Variants in VRK2 observed in about 807,000 individuals in gnomAD.
The protein encoded by VRK2 is VRK serine/threonine kinase 2, also known as serine/threonine-protein kinase VRK2.
In VRK2, 60 loss-of-function variants were observed where a neutral mutation model predicts 57.6. That is an observed-to-expected ratio of 1.04 (90% CI 0.85 to 1.29). The LOEUF (loss-of-function observed/expected upper bound fraction) is 1.29. Among genes scored for constraint, VRK2 ranks in the 50% most tolerant of loss-of-function variants. VRK2 has a pLI of 0.00. For missense variants in VRK2, 705 were observed against 588.1 expected (o/e 1.20, Z -2.06); for synonymous variants, 231 against 199.2 (o/e 1.16, Z -1.35).
At chr2:58,068,903 C>A (rs1170560071) in intron 2 of VRK2, among the ~76,000 whole-genome samples, 2 of 150,134 alleles carry the variant, frequency 1.3e-5, no homozygotes, top group African/African-American at 4.9e-5. Context: ...GTCTTTGTTG[C>A]ATTTTTCTGT....
intron 1 of VRK2, among the ~76,000 whole-genome samples, chr2:57,981,742 T>C (rs1672429974): frequency 6.6e-6 from 1 of 152,156 alleles, no homozygotes; most frequent in African/African-American, 2.4e-5. Context: ...TTTCCAGAAG[T>C]TTAATTTGGT....
intron 1 of VRK2, among the ~76,000 whole-genome samples, chr2:57,947,493 AGCTT>A (rs1435159727): frequency 6.6e-6 from 1 of 152,220 alleles, no homozygotes; most frequent in Non-Finnish European, 1.5e-5. Context: ...CCAACAGCCC[AGCTT>A]GACACATGGC....
intron 1 of VRK2, among the ~76,000 whole-genome samples, chr2:58,003,535 T>C (rs1349262569): frequency 6.6e-6 from 1 of 152,174 alleles, no homozygotes; most frequent in Non-Finnish European, 1.5e-5. Flanking sequence ...CAGTTAAATT[T>C]GAATTTCAGA....
chr2:58,156,586 TTG>T (rs1179044770), intron 12 of VRK2, among the ~76,000 whole-genome samples: 6 of 115,204 alleles, frequency 5.2e-5, no homozygotes, highest in African/African-American at 4.9e-4. Context: ...GGTGTTTTTT[TTG>T]TTTTGTTTTG....
chr2:58,159,875 T>G, downstream of VRK2: 4 of 1,593,534 alleles, frequency 2.5e-6, no homozygotes, highest in Non-Finnish European at 3.4e-6. Context: ...CTAGAAATAG[T>G]GTCATAGAAT....
chr2:58,054,296 A>G (rs1572868530), intron 2 of VRK2, among the ~76,000 whole-genome samples: 1 of 152,036 alleles, frequency 6.6e-6, no homozygotes, highest in African/African-American at 2.4e-5. Context: ...CCTTAAGGGA[A>G]GATTTATAAA....
intron 7 of VRK2, among the ~76,000 whole-genome samples, chr2:58,116,424 A>T (rs1211302395): frequency 6.6e-6 from 1 of 151,794 alleles, no homozygotes; most frequent in Non-Finnish European, 1.5e-5. Context: ...GGGGATAACT[A>T]AAAAAGAGTG....
At chr2:58,057,289 A>G (rs1558576007) in intron 2 of VRK2, among the ~76,000 whole-genome samples, 1 of 152,270 alleles carries the variant, frequency 6.6e-6, no homozygotes, top group East Asian at 1.9e-4. Flanking sequence ...AAGGCACTGT[A>G]CTTTCAGATT....
intron 3 of VRK2, among the ~76,000 whole-genome samples, chr2:58,040,429 C>G (rs1392222683): frequency 2.0e-5 from 3 of 152,176 alleles, no homozygotes; most frequent in Admixed American, 1.3e-4. Flanking sequence ...CACTAGCTCC[C>G]AACTGCATGC....
chr2:57,987,124 A>G (rs1014686013), intron 1 of VRK2, among the ~76,000 whole-genome samples: 1 of 152,194 alleles, frequency 6.6e-6, no homozygotes, highest in African/African-American at 2.4e-5. Context: ...AAAAAATGAA[A>G]TATCAAAAGC....
In VRK2 at chr2:58,159,730, T is replaced by C; in HGVS notation, c.*37T>C. ...AAATTCCTTTTGATAATTTTTTAAG[T>C]TTCCAGCTCTTCACCGAAATGTTGT... On this transcript the variant is annotated 3_prime_UTR_variant, in exon 13 of 13. Coordinates refer to ENST00000340157, the MANE Select transcript of VRK2 (RefSeq NM_006296.7). 6.2e-7 allele frequency: 1 copy of C among 1,612,638 alleles called. No individual in the cohort carries two copies. The highest frequency in any genetic ancestry group is 2.2e-5 in the East Asian group (1 of 44,844).
chr2:58,033,525 T>C (rs930417006), exon 3 of VRK2: 1 of 152,040 alleles, frequency 6.6e-6, no homozygotes, highest in Non-Finnish European at 1.5e-5. Context: ...TGCTGACAGC[T>C]TGATTTTAGG....
At chr2:58,109,204 G>A (rs1675196625) in intron 7 of VRK2, among the ~76,000 whole-genome samples, 2 of 152,106 alleles carry the variant, frequency 1.3e-5, no homozygotes, top group African/African-American at 4.8e-5. Flanking sequence ...CTGTGCAGAA[G>A]GCCTTAGAGT....
At chr2:58,024,910 A>T (rs1251400319) in intron 1 of VRK2, among the ~76,000 whole-genome samples, 6 of 152,156 alleles carry the variant, frequency 3.9e-5, no homozygotes, top group Non-Finnish European at 7.4e-5. Flanking sequence ...AAAGGAAAAA[A>T]CCTTTACCAG....
At chr2:58,095,873 A>C (rs978282080) in intron 7 of VRK2, among the ~76,000 whole-genome samples, 19 of 152,076 alleles carry the variant, frequency 1.2e-4, no homozygotes, top group African/African-American at 4.6e-4. Context: ...AAATGTGATG[A>C]TGGCTTTAGG....
chr2:57,976,072 C>T (rs963109301), intron 1 of VRK2, among the ~76,000 whole-genome samples: 1 of 152,082 alleles, frequency 6.6e-6, no homozygotes, highest in African/African-American at 2.4e-5. Flanking sequence ...CAGCTGCATT[C>T]ATATTGCTGC....
intron 9 of VRK2, among the ~76,000 whole-genome samples, chr2:58,133,266 T>C (rs1380779286): frequency 6.6e-6 from 1 of 152,130 alleles, no homozygotes; most frequent in Non-Finnish European, 1.5e-5. Context: ...TTATTTTACA[T>C]GTATAATGCT....
intron 1 of VRK2, among the ~76,000 whole-genome samples, chr2:57,944,492 T>G (rs928797771): frequency 6.6e-6 from 1 of 152,194 alleles, no homozygotes; most frequent in African/African-American, 2.4e-5. Context: ...ATCCCAACAC[T>G]TCGGGAGGCC....
intron 3 of VRK2, chr2:58,033,614 A>G (rs1674183691): frequency 6.6e-6 from 1 of 152,086 alleles, no homozygotes; most frequent in Non-Finnish European, 1.5e-5. Context: ...TTAATCAACA[A>G]TAGTAAATTA....
Sources: gnomAD v4.1 joint callset for allele counts (sites outside exome capture counted in the v4.1 genomes callset) on GRCh38, gnomAD v4.1.1 for gene constraint, MANE v1.5 for transcripts, NCBI Gene and HGNC (gene_info 2026-07-23, HGNC 2026-07-21) for gene names.